The following ADGRG1 variants were observed in gnomAD, a reference collection of about 807,000 sequenced individuals.
ADGRG1 encodes the protein adhesion G protein-coupled receptor G1.
Under a neutral mutation model 73.5 loss-of-function variants are expected in ADGRG1, and 53 were observed. The ratio of observed to expected loss-of-function variants is 0.72; its 90% CI spans 0.58 to 0.91. The LOEUF is 0.91. ADGRG1 is among the 40% of genes least tolerant of loss of function. ADGRG1 has a pLI of 0.00. For synonymous variants in ADGRG1, 394 were observed against 374.4 expected (o/e 1.05, Z -0.60); for missense variants, 795 against 871.8 (o/e 0.91, Z 1.11).
At chr16:57,632,897 G>A (rs537144358) in intron 1 of ADGRG1, 6 of 985,428 alleles carry the variant, frequency 6.1e-6, no homozygotes, top group East Asian at 2.3e-4. Context: ...AAAGTTCTGC[G>A]GTGAATGGCT....
chr16:57,621,901 A>T, intron 2 of ADGRG1: 2 of 982,872 alleles, frequency 2.0e-6, no homozygotes, highest in Non-Finnish European at 2.4e-6. Flanking sequence ...TCAGGAAGGG[A>T]GGTTTCTACA....
upstream of ADGRG1, chr16:57,623,866 C>T (rs191665667): frequency 3.3e-5 from 32 of 974,562 alleles, no homozygotes; most frequent in Admixed American, 1.1e-3. Context: ...GAACATTGGC[C>T]GCAAAACACA....
chr16:57,624,532 G>A (rs2035471503), upstream of ADGRG1, among the ~76,000 whole-genome samples: 1 of 152,152 alleles, frequency 6.6e-6, no homozygotes, highest in South Asian at 2.1e-4. Context: ...TTCTGAGCAG[G>A]CAGTGGTTGC....
At position 57,642,437 on chromosome 16, in the gene ADGRG1, G is replaced by A. The variant is rs2041079733; in HGVS notation, c.-35-7816G>A. The A allele has an allele frequency of 3.0e-6, 3 of 985,234 alleles. No individual in the cohort carries two copies. In the South Asian group the frequency reaches 1.4e-4, roughly 46 times the overall value. 61.0% of individuals were successfully genotyped at this position (985,234 alleles called of 1,614,324 possible). A position where few individuals can be genotyped will look rare whatever the true frequency, so the allele number is the denominator to read the frequency against. On this transcript the variant is annotated intron_variant, in intron 1 of 13. Transcript: ENST00000562631. ...AAAGGGGAAGGGAGGGGAGGGGGCTGGAGGTGCTGGCAGGCTTCTGTGTGG... is the reference window on the plus strand; with the variant it reads ...AAAGGGGAAGGGAGGGGAGGGGGCTAGAGGTGCTGGCAGGCTTCTGTGTGG...
upstream of ADGRG1, chr16:57,628,039 G>T (rs1390179958): frequency 1.3e-5 from 13 of 977,950 alleles, 1 homozygote; most frequent in East Asian, 9.4e-4. Context: ...GGTGCTTGAG[G>T]AGCACTGAGA....
At chr16:57,640,938 C>T (rs2040669787) in intron 1 of ADGRG1, 9 of 985,422 alleles carry the variant, frequency 9.1e-6, no homozygotes, top group Middle Eastern at 5.2e-4. Flanking sequence ...AACGTGGGAA[C>T]ACAGATAGGG....
At chr16:57,656,426 G>A (rs1298318561) in intron 8 of ADGRG1, 88 bp from the exon 9 acceptor site, 7 of 1,604,920 alleles carry the variant, frequency 4.4e-6, no homozygotes, top group Non-Finnish European at 6.0e-6. Context: ...CCGGGTGGAA[G>A]AATGACACAG....
At chr16:57,662,728 A>T (rs2047517777) in intron 13 of ADGRG1, among the ~76,000 whole-genome samples, 1 of 152,076 alleles carries the variant, frequency 6.6e-6, no homozygotes, top group Non-Finnish European at 1.5e-5. Flanking sequence ...GGGCAGGGTC[A>T]TGATGGCTCT....
At chr16:57,642,173 C>T in intron 1 of ADGRG1, 1 of 985,408 alleles carries the variant, frequency 1.0e-6, no homozygotes, top group Non-Finnish European at 1.2e-6. Context: ...AAGTCACAGG[C>T]CCAGCTGGCC....
At chr16:57,644,273 C>T (rs559044350) in intron 1 of ADGRG1, 2 of 767,606 alleles carry the variant, frequency 2.6e-6, no homozygotes, top group East Asian at 2.6e-4. Flanking sequence ...CACGGGCACA[C>T]ACACTCATCA....
Position 57,657,450 on chromosome 16 carries a change from C to A in ADGRG1, c.1245C>A (p.Ala415=). The change falls in exon 10 of 14, where the codon GCC becomes GCA. Residue 415 remains alanine (A), a synonymous_variant. Transcript: ENST00000562631. ...CCTACGTGGGCTGTGTCGTCTCTGC[C>A]CTGGCCTGCCTTGTCACCATTGCCG... The part of the protein sequence containing the change: ...LLSYVGCVVS[A]LACLVTIAAY... The A allele has an allele frequency of 6.2e-7, 1 of 1,614,114 alleles. No homozygotes were observed. The highest frequency in any genetic ancestry group is 2.2e-5 in the East Asian group (1 of 44,868).
At chr16:57,647,644 C>T (rs1253523120) in intron 1 of ADGRG1, 5 of 377,494 alleles carry the variant, frequency 1.3e-5, no homozygotes, top group Non-Finnish European at 1.8e-5. Context: ...TGAACCCAGG[C>T]AGTCTGGCTC....
At position 57,651,963 on chromosome 16, in the gene ADGRG1, A is replaced by T; in HGVS notation, c.487+341A>T. The T allele has an allele frequency of 5.5e-6, 7 of 1,276,776 alleles. 1 individual carries two copies. The highest frequency in any genetic ancestry group is 7.0e-6 in the Non-Finnish European group (7 of 1,001,330). 79.1% of individuals were successfully genotyped at this position (1,276,776 alleles called of 1,614,324 possible). Reference sequence around the variant, plus strand: ...TAGGGTGAGAGAGCAGAGACTGGAAAGGGACTGAAGATCAAGAGCCCCAGG... The same window carrying T: ...TAGGGTGAGAGAGCAGAGACTGGAATGGGACTGAAGATCAAGAGCCCCAGG... On this transcript the variant is annotated intron_variant, in intron 3 of 13. Transcript: ENST00000562631.
upstream of ADGRG1, chr16:57,627,129 G>C: frequency 1.0e-6 from 1 of 982,270 alleles, no homozygotes; most frequent in Non-Finnish European, 1.2e-6. Context: ...GGGTGGCTTT[G>C]TGGCCCTTCC....
chr16:57,645,069 A>G (rs985311405), intron 1 of ADGRG1: 10 of 985,104 alleles, frequency 1.0e-5, no homozygotes, highest in African/African-American at 1.7e-5. Flanking sequence ...ACACGCACAC[A>G]CACCCACATG....
chr16:57,652,770 CGGCCGCCTTAGTA>C (rs2044419925), intron 3 of ADGRG1: 1 of 1,056,236 alleles, frequency 9.5e-7, no homozygotes, highest in Non-Finnish European at 1.1e-6. Flanking sequence ...ACACCTTAGT[CGGCCGCCTTAGTA>C]GGCCGCCCAC....
chr16:57,647,373 G>A (rs955878738), intron 1 of ADGRG1: 7 of 983,200 alleles, frequency 7.1e-6, no homozygotes, highest in Non-Finnish European at 8.5e-6. Context: ...GGAAGAGGGG[G>A]AAACAGGGAG....
chr16:57,653,777 C>T, intron 4 of ADGRG1: 1 of 981,630 alleles, frequency 1.0e-6, no homozygotes. Context: ...CCTACCCCAG[C>T]TCATTCTTTC....
intron 1 of ADGRG1, among the ~76,000 whole-genome samples, chr16:57,645,667 A>G (rs2042439949): frequency 6.6e-6 from 1 of 152,084 alleles, no homozygotes; most frequent in African/African-American, 2.4e-5. Context: ...ATGTCCATCA[A>G]CGGGATGCTT....
Sources: allele counts gnomAD v4.1 joint callset (sites outside exome capture counted in the v4.1 genomes callset), GRCh38; gene constraint gnomAD v4.1.1; transcripts MANE v1.5; gene names NCBI Gene and HGNC (gene_info 2026-07-23, HGNC 2026-07-21).